TK2: variants seen among roughly 807,000 people sequenced by gnomAD.
TK2 encodes the protein thymidine kinase 2.
TK2 carries 35 observed loss-of-function variants against 41.9 expected under a neutral mutation model. The observed-to-expected ratio is 0.84, with a 90% CI of 0.64 to 1.11. The LOEUF is 1.11. Ranked by LOEUF, TK2 falls within the 50% of genes least tolerant of loss-of-function variation. TK2 has a pLI of 0.00. For synonymous variants in TK2, 128 were observed against 129.1 expected, an observed-to-expected ratio of 0.99 and a Z score of 0.06; for missense variants, 320 against 351.1, an observed-to-expected ratio of 0.91 and a Z score of 0.71.
At position 66,517,985 on chromosome 16, in the gene TK2, G is replaced by T; in HGVS notation, c.450-108C>A. 1 of 890,214 alleles carries T rather than the reference G, an allele frequency of 1.1e-6. No individual in the cohort carries two copies. Among genetic ancestry groups the T allele is most frequent in the Non-Finnish European group, 1.9e-6 (1 of 525,382 alleles). 55.1% of individuals were successfully genotyped at this position (890,214 alleles called of 1,614,324 possible). The stretch of plus-strand genomic sequence containing the variant: ...CTCTCAATGAAAGGAGTCACCAAGG[G>T]TACCAGGGCACAGTGTGATCCGTGC... On this transcript the variant is annotated intron_variant, in intron 6 of 9. Transcript: ENST00000544898. This position sits in a 1 kb window ranked among gnomAD's most constrained non-coding sequence, Gnocchi z 4.3.
chr16:66,543,829 G>A (rs540642641), intron 2 of TK2, among the ~76,000 whole-genome samples: 3 of 152,030 alleles, frequency 2.0e-5, no homozygotes, highest in Non-Finnish European at 4.4e-5. Flanking sequence ...TGATCCTAAC[G>A]GGTATCCAGG....
intron 4 of TK2, among the ~76,000 whole-genome samples, chr16:66,533,880 C>T (rs573730837): frequency 8.6e-5 from 13 of 151,420 alleles, no homozygotes; most frequent in Non-Finnish European, 1.6e-4. Flanking sequence ...TGGTGGTGGG[C>T]GCCTGTAGTC....
chr16:66,526,078 C>A (rs945003260), intron 6 of TK2, among the ~76,000 whole-genome samples: 34 of 152,118 alleles, frequency 2.2e-4, no homozygotes, highest in African/African-American at 7.7e-4. Context: ...TTACCAAAGC[C>A]CATGGCCATC....
At chr16:66,529,834 C>T (rs1382346164) in intron 5 of TK2, among the ~76,000 whole-genome samples, 1 of 152,194 alleles carries the variant, frequency 6.6e-6, no homozygotes, top group African/African-American at 2.4e-5. Flanking sequence ...CATCCATCCT[C>T]TGCCCATCCA....
At chr16:66,547,717 C>T (rs1057128746) in intron 2 of TK2, among the ~76,000 whole-genome samples, 3 of 152,028 alleles carry the variant, frequency 2.0e-5, no homozygotes, top group Admixed American at 6.6e-5. Context: ...TCAGACAGAC[C>T]GCAGACTCCC....
chr16:66,512,084 G>A lies in TK2; in HGVS notation c.700-18C>T. On this transcript the variant is annotated intron_variant, in intron 9 of 9. Coordinates refer to ENST00000544898, the MANE Select transcript of TK2 (RefSeq NM_004614.5). Reference sequence around the variant, plus strand: ...TCAATCACCTGGAAATTAGACACATGGGTCACAAGGCTGCACTGACCTCAG... The same window carrying A: ...TCAATCACCTGGAAATTAGACACATAGGTCACAAGGCTGCACTGACCTCAG... 6.2e-7 allele frequency: 1 copy of A among 1,608,166 alleles called. No homozygotes were observed. The highest frequency in any genetic ancestry group is 8.5e-7 in the Non-Finnish European group (1 of 1,174,580).
chr16:66,548,632 C>T, intron 2 of TK2: 1 of 296,174 alleles, frequency 3.4e-6, no homozygotes, highest in South Asian at 3.7e-5. Flanking sequence ...CAGAGCTTCC[C>T]TCACATCTGA....
At chr16:66,531,533 C>A (rs1965113926) in intron 4 of TK2, 64 bp from the exon 5 acceptor site, 13 of 1,518,336 alleles carry the variant, frequency 8.6e-6, no homozygotes, top group South Asian at 1.1e-5. Context: ...CCTGGTCTCA[C>A]AAGGCACTGA....
At chr16:66,542,064 A>G (rs1316254745) in intron 2 of TK2, 111 bp from the exon 3 acceptor site, 2 of 1,190,966 alleles carry the variant, frequency 1.7e-6, no homozygotes, top group African/African-American at 1.5e-5. Context: ...GTTCAGTCCA[A>G]GACTTTCACA....
rs1964649944 is a variant in TK2 at position 66,517,501 on chromosome 16, G to C, written c.539-286C>G. Among the ~76,000 whole-genome samples, 1 of 152,200 alleles carries C rather than the reference G, an allele frequency of 6.6e-6. No homozygotes were observed. The highest frequency in any genetic ancestry group is 6.5e-5 in the Admixed American group (1 of 15,288). The stretch of plus-strand genomic sequence containing the variant: ...TGAATGTTCAGGCTCTGTCCTTCCT[G>C]TTCCTTTGCAAACTAGAAAAACCCA... On this transcript the variant is annotated intron_variant, in intron 7 of 9. Coordinates refer to ENST00000544898, the MANE Select transcript of TK2 (RefSeq NM_004614.5). This position sits in a 1 kb window ranked among gnomAD's most constrained non-coding sequence, Gnocchi z 4.3.
At position 66,517,753 on chromosome 16, in the gene TK2, G is replaced by C; in HGVS notation, c.538+36C>G. 1 of 1,599,494 alleles carries C rather than the reference G, an allele frequency of 6.3e-7. No homozygotes were observed. ...GCACATCCTCAAGGGACCCAGGAGA[G>C]AGACAAGAGAGGGAGGTGGGAGGGG... On this transcript the variant is annotated intron_variant, in intron 7 of 9. Coordinates refer to ENST00000544898, the MANE Select transcript of TK2 (RefSeq NM_004614.5). The surrounding 1 kb of genome is among the most constrained non-coding windows in gnomAD (Gnocchi z 4.3).
At chr16:66,521,053 C>T (rs1461653064) in intron 6 of TK2, among the ~76,000 whole-genome samples, 1 of 152,206 alleles carries the variant, frequency 6.6e-6, no homozygotes, top group Non-Finnish European at 1.5e-5. Flanking sequence ...GTGTCCAAGG[C>T]TGGACTAGCC....
Position 66,513,695 on chromosome 16 carries a change from G to C in TK2, c.699+36C>G, listed in dbSNP as rs771317565. On this transcript the variant is annotated intron_variant, in intron 9 of 9. Coordinates refer to ENST00000544898, the MANE Select transcript of TK2 (RefSeq NM_004614.5). The stretch of plus-strand genomic sequence containing the variant: ...ATTCCCCGGGTCACTCCTCTTTCTA[G>C]AACAGTCTCGTACCCTGTAAGGGAG... The C allele has an allele frequency of 1.9e-6, 3 of 1,596,036 alleles. 1 individual carries two copies. In the South Asian group the frequency reaches 3.3e-5, roughly 18 times the overall value.
Position 66,528,978 on chromosome 16 carries a change from A to C in TK2, c.449+16T>G. 6.2e-7 allele frequency: 1 copy of C among 1,611,904 alleles called. No individual in the cohort carries two copies. Among genetic ancestry groups the C allele is most frequent in the Non-Finnish European group, 8.5e-7 (1 of 1,178,040 alleles). On this transcript the variant is annotated intron_variant, in intron 6 of 9. Coordinates refer to ENST00000544898, the MANE Select transcript of TK2 (RefSeq NM_004614.5). ...TTAGTGGTTTAATAAATTATCAACT[A>C]TTCAAACTACAGTACCTTCTATACA...
chr16:66,538,304 T>C (rs1965350262), intron 3 of TK2, among the ~76,000 whole-genome samples: 1 of 152,144 alleles, frequency 6.6e-6, no homozygotes, highest in Non-Finnish European at 1.5e-5. Flanking sequence ...ACATCAACTT[T>C]CATCACATGG....
At chr16:66,522,619 C>T (rs947823300) in intron 6 of TK2, among the ~76,000 whole-genome samples, 1 of 152,244 alleles carries the variant, frequency 6.6e-6, no homozygotes, top group African/African-American at 2.4e-5. Flanking sequence ...GTAATCCCAG[C>T]ACTTTGGCAG....
intron 3 of TK2, among the ~76,000 whole-genome samples, chr16:66,539,353 C>T (rs1427704640): frequency 6.6e-6 from 1 of 152,114 alleles, no homozygotes; most frequent in East Asian, 1.9e-4. Context: ...AATCCCAGCA[C>T]TTTGGGAGGC....
rs776120508 is a variant in TK2 at position 66,548,983 on chromosome 16, A to G, written c.151T>C (p.Ser51Pro). The change falls in exon 2 of 10, where the codon TCA (serine) becomes CCA (proline). Residue 51 changes from serine (S) to proline (P), a missense_variant. Transcript: ENST00000544898. ...PDKEQEKEKK[S>P]VICVEGNIAS... ...CACATAAAAGAGGGACTTACCACTG[A>G]TTTTTTCTCTTTTTCCTGTTCTTTA... 1 of 1,613,388 alleles carries G rather than the reference A, an allele frequency of 6.2e-7. No homozygotes were observed. The highest frequency in any genetic ancestry group is 8.5e-7 in the Non-Finnish European group (1 of 1,179,544).
At chr16:66,529,950 C>A (rs1965057890) in intron 5 of TK2, among the ~76,000 whole-genome samples, 1 of 152,178 alleles carries the variant, frequency 6.6e-6, no homozygotes, top group Non-Finnish European at 1.5e-5. Flanking sequence ...TCTCTCTCTG[C>A]CTCCTGAGGT....
Sources: allele counts gnomAD v4.1 joint callset (sites outside exome capture counted in the v4.1 genomes callset), GRCh38; gene constraint gnomAD v4.1.1; non-coding constraint Gnocchi (gnomAD v3.1); transcripts MANE v1.5; gene names NCBI Gene and HGNC (gene_info 2026-07-23, HGNC 2026-07-21).